The following PALM2AKAP2 variants were observed in gnomAD, a reference collection of about 807,000 sequenced individuals.
PALM2AKAP2 encodes PALM2-AKAP2 fusion protein.
Under a neutral mutation model 71.5 loss-of-function variants are expected in PALM2AKAP2, and 37 were observed. The observed-to-expected ratio is 0.52, with a 90% CI of 0.40 to 0.68. The LOEUF (loss-of-function observed/expected upper bound fraction) is 0.68. Ranked by LOEUF, PALM2AKAP2 falls within the 30% of genes least tolerant of loss-of-function variation. The probability of loss-of-function intolerance (pLI) is 0.00; values close to 1 mark genes in which losing one functional copy is unlikely to be tolerated. For missense variants in PALM2AKAP2, 1,224 were observed against 1,191.8 expected, an observed-to-expected ratio of 1.03 and a Z score of -0.40; for synonymous variants, 468 against 478.8, an observed-to-expected ratio of 0.98 and a Z score of 0.29.
At chr9:109,908,913 GGATTTGGAA>G (rs1281512042) in intron 3 of PALM2AKAP2, among the ~76,000 whole-genome samples, 1 of 151,414 alleles carries the variant, frequency 6.6e-6, no homozygotes, top group Non-Finnish European at 1.5e-5. Context: ...GAGTAAACAG[GGATTTGGAA>G]GAGAGGAATG....
chr9:109,823,943 C>T (rs1455808976), intron 1 of PALM2AKAP2, among the ~76,000 whole-genome samples: 34 of 152,094 alleles, frequency 2.2e-4, no homozygotes, highest in East Asian at 1.9e-4. Context: ...GGCTGGGGTG[C>T]GGTGTTGTGA....
intron 1 of PALM2AKAP2, among the ~76,000 whole-genome samples, chr9:109,644,326 G>A (rs556544131): frequency 6.6e-4 from 100 of 152,002 alleles, no homozygotes; most frequent in South Asian, 1.9e-3. Context: ...TTTCATCTCC[G>A]GTAGAAAAGC....
chr9:109,892,072 C>T (rs946027090), intron 3 of PALM2AKAP2, among the ~76,000 whole-genome samples: 4 of 152,210 alleles, frequency 2.6e-5, no homozygotes, highest in African/African-American at 9.6e-5. Flanking sequence ...TGGTTACCTA[C>T]TGTGTTCATT....
intron 1 of PALM2AKAP2, among the ~76,000 whole-genome samples, chr9:109,763,360 T>C (rs762593318): frequency 1.4e-4 from 22 of 152,086 alleles, no homozygotes; most frequent in Non-Finnish European, 2.1e-4. Context: ...TACCAGACTG[T>C]CGGTAGGTAA....
intron 1 of PALM2AKAP2, among the ~76,000 whole-genome samples, chr9:109,719,729 G>C (rs1363739938): frequency 4.6e-5 from 7 of 152,126 alleles, no homozygotes; most frequent in African/African-American, 1.7e-4. Flanking sequence ...AGGATGCCTA[G>C]ACCTGGGGCA....
At chr9:109,992,191 G>A (rs1832497131) in intron 6 of PALM2AKAP2, among the ~76,000 whole-genome samples, 1 of 152,136 alleles carries the variant, frequency 6.6e-6, no homozygotes, top group Non-Finnish European at 1.5e-5. Context: ...GCTCCCCGAA[G>A]CATTGCTTGG....
chr9:110,075,621 C>T (rs966051802), intron 1 of PALM2AKAP2, among the ~76,000 whole-genome samples: 3 of 151,730 alleles, frequency 2.0e-5, no homozygotes, highest in Non-Finnish European at 2.9e-5. Context: ...CCTCTATAGT[C>T]GCTCCTGTAA....
At chr9:109,807,106 G>A (rs1283259747) in intron 1 of PALM2AKAP2, among the ~76,000 whole-genome samples, 1 of 150,428 alleles carries the variant, frequency 6.6e-6, no homozygotes, top group Non-Finnish European at 1.5e-5. Flanking sequence ...TATAGTTCAG[G>A]GGATTTTTCT....
At chr9:109,671,333 T>C (rs1474780747) in intron 1 of PALM2AKAP2, among the ~76,000 whole-genome samples, 1 of 152,218 alleles carries the variant, frequency 6.6e-6, no homozygotes, top group Non-Finnish European at 1.5e-5. Flanking sequence ...GCTGGCCAGT[T>C]ATCCTAGCAC....
chr9:109,714,650 C>T (rs997929894), intron 1 of PALM2AKAP2, among the ~76,000 whole-genome samples: 6 of 152,132 alleles, frequency 3.9e-5, no homozygotes, highest in Non-Finnish European at 5.9e-5. Flanking sequence ...TAATTAACAC[C>T]GATAATTATG....
chr9:110,082,866 G>A (rs529808766), intron 1 of PALM2AKAP2, among the ~76,000 whole-genome samples: 1 of 152,318 alleles, frequency 6.6e-6, no homozygotes, highest in South Asian at 2.1e-4. Context: ...GTAGGGCTGG[G>A]CGTGGTGACT....
intron 3 of PALM2AKAP2, among the ~76,000 whole-genome samples, chr9:109,916,667 C>T (rs1830700397): frequency 6.6e-6 from 1 of 152,274 alleles, no homozygotes; most frequent in East Asian, 1.9e-4. Flanking sequence ...TCTACTTTGT[C>T]GAGTTTTTCT....
intron 1 of PALM2AKAP2, among the ~76,000 whole-genome samples, chr9:109,707,047 G>GC: frequency 6.6e-6 from 1 of 152,316 alleles, no homozygotes; most frequent in African/African-American, 2.4e-5. Context: ...TATAGAGTAT[G>GC]TAAAATTTAT....
intron 1 of PALM2AKAP2, among the ~76,000 whole-genome samples, chr9:109,798,870 C>G (rs1587919275): frequency 6.6e-6 from 1 of 152,236 alleles, no homozygotes; most frequent in Admixed American, 6.5e-5. Flanking sequence ...GTAATTTGTT[C>G]AAGATCATCC....
chr9:110,077,859 C>G (rs1179018546), intron 1 of PALM2AKAP2, among the ~76,000 whole-genome samples: 4 of 151,856 alleles, frequency 2.6e-5, no homozygotes, highest in Admixed American at 2.6e-4. Context: ...ACTAAAAATA[C>G]AAAAATTAGC....
intron 2 of PALM2AKAP2, among the ~76,000 whole-genome samples, chr9:109,867,902 A>G (rs116657324): frequency 6.6e-6 from 1 of 152,130 alleles, no homozygotes; most frequent in Non-Finnish European, 1.5e-5. Flanking sequence ...TGTTTCTCCC[A>G]TGCATAGGTG....
intron 6 of PALM2AKAP2, among the ~76,000 whole-genome samples, chr9:109,950,629 G>A (rs1831615081): frequency 6.6e-6 from 1 of 152,130 alleles, no homozygotes; most frequent in South Asian, 2.1e-4. Context: ...CTACCCAAGA[G>A]ATCAAGACCC....
intron 6 of PALM2AKAP2, among the ~76,000 whole-genome samples, chr9:109,998,213 G>C (rs950832515): frequency 4.6e-5 from 7 of 152,182 alleles, no homozygotes; most frequent in Non-Finnish European, 8.8e-5. Context: ...AAGAAGTCTG[G>C]TTTAGGAAAA....
chr9:109,814,163 C>T (rs1164896110), intron 1 of PALM2AKAP2, among the ~76,000 whole-genome samples: 2 of 152,190 alleles, frequency 1.3e-5, no homozygotes. Flanking sequence ...CACATTGGGA[C>T]ACAGTGGGTA....
Sources: gnomAD v4.1 joint callset for allele counts (sites outside exome capture counted in the v4.1 genomes callset) on GRCh38, gnomAD v4.1.1 for gene constraint, MANE v1.5 for transcripts, NCBI Gene and HGNC (gene_info 2026-07-23, HGNC 2026-07-21) for gene names.